Variants in KIF26B observed in about 807,000 individuals in gnomAD.
The protein encoded by KIF26B is kinesin-like protein KIF26B.
In KIF26B, 63 loss-of-function variants were observed where a neutral mutation model predicts 151.2. That is an observed-to-expected ratio of 0.42 (90% CI 0.34 to 0.51). The LOEUF (loss-of-function observed/expected upper bound fraction) is 0.51, where lower values mean the gene tolerates loss of function less well. Among genes scored for constraint, KIF26B ranks in the 20% least tolerant of loss-of-function variants. The pLI, the probability that KIF26B is intolerant of heterozygous loss-of-function variation, is 0.07. For synonymous variants in KIF26B, 1,357 were observed against 1,262.1 expected (o/e 1.08, Z -1.59); for missense variants, 2,813 against 2,913.6 (o/e 0.97, Z 0.79).
intron 2 of KIF26B, among the ~76,000 whole-genome samples, chr1:245,245,925 C>A (rs866637340): frequency 1.6e-3 from 176 of 111,586 alleles, no homozygotes; most frequent in South Asian, 2.6e-3. Context: ...GACTCCGTCT[C>A]AAAAAAAAAA....
chr1:245,682,060 TG>T (rs760152498), intron 10 of KIF26B, among the ~76,000 whole-genome samples: 2 of 152,202 alleles, frequency 1.3e-5, no homozygotes, highest in Non-Finnish European at 2.9e-5. Flanking sequence ...CTGGCCAACA[TG>T]GGTGAAACCC....
At chr1:245,220,244 T>C (rs750838246) in intron 2 of KIF26B, among the ~76,000 whole-genome samples, 1 of 152,214 alleles carries the variant, frequency 6.6e-6, no homozygotes, top group East Asian at 1.9e-4. Flanking sequence ...GTAACAATAA[T>C]CACCGATAGG....
intron 2 of KIF26B, among the ~76,000 whole-genome samples, chr1:245,180,514 C>T (rs1478260724): frequency 6.6e-6 from 1 of 152,184 alleles, no homozygotes; most frequent in East Asian, 1.9e-4. Flanking sequence ...ATACTTAGCC[C>T]AAGTAAATGC....
At chr1:245,432,564 C>A (rs537620890) in intron 4 of KIF26B, among the ~76,000 whole-genome samples, 1 of 152,206 alleles carries the variant, frequency 6.6e-6, no homozygotes, top group Non-Finnish European at 1.5e-5. Context: ...ATCTTTTCTT[C>A]CCTTGAATAA....
At chr1:245,628,201 C>T (rs1195109629) in intron 9 of KIF26B, among the ~76,000 whole-genome samples, 3 of 152,148 alleles carry the variant, frequency 2.0e-5, no homozygotes, top group Admixed American at 6.5e-5. Context: ...TGGCCGGGCA[C>T]GGTGGCTCAC....
intron 2 of KIF26B, among the ~76,000 whole-genome samples, chr1:245,345,450 C>T (rs1192584326): frequency 6.6e-6 from 1 of 152,220 alleles, no homozygotes; most frequent in Non-Finnish European, 1.5e-5. Context: ...CTCTCCTACT[C>T]ACCACGCCTT....
At chr1:245,229,203 C>G (rs916672832) in intron 2 of KIF26B, among the ~76,000 whole-genome samples, 1 of 152,110 alleles carries the variant, frequency 6.6e-6, no homozygotes, top group African/African-American at 2.4e-5. Context: ...AACTCCTGAC[C>G]TCATGTGATC....
Position 245,688,388 on chromosome 1 carries a change from G to C in KIF26B, c.5405G>C (p.Arg1802Pro), listed in dbSNP as rs753346942. The change falls in exon 12 of 15, where the codon CGG (arginine) becomes CCG (proline). Residue 1802 changes from arginine (R) to proline (P), a missense_variant. By Grantham distance (103) the Arg-to-Pro change is moderately radical. This residue lies in a region of KIF26B where 2,060 missense variants were observed against 2,088.6 expected (regional missense o/e 0.99). Coordinates refer to ENST00000407071, the MANE Select transcript of KIF26B (RefSeq NM_018012.4). ...GGCCTGGCCTCCAAGCTTCCCCTGC[G>C]GGCCGTCAGCGGGCGCATCTCGGAG... ...SSGLASKLPL[R>P]AVSGRISELL... 2 of 1,520,596 alleles carry C rather than the reference G, an allele frequency of 1.3e-6. No individual in the cohort carries two copies. Among genetic ancestry groups the C allele is most frequent in the South Asian group, 2.4e-5 (2 of 81,686 alleles). The allele number at this position is 1,520,596 out of a possible 1,614,324, so 94.2% of individuals were successfully genotyped here.
Position 245,560,341 on chromosome 1 carries a change from GGA to G in KIF26B, c.1350+19398_1350+19399del, listed in dbSNP as rs1345778422. Among the ~76,000 whole-genome samples the G allele has an allele frequency of 6.6e-6, 1 of 152,142 alleles. No individual in the cohort carries two copies. The highest frequency in any genetic ancestry group is 1.5e-5 in the Non-Finnish European group (1 of 68,024). On this transcript the variant is annotated intron_variant, in intron 5 of 14. Transcript: ENST00000407071. The surrounding 1 kb of genome is among the most constrained non-coding windows in gnomAD (Gnocchi z 4.3). ...CAGGAGTTTTCATTCTCCTGAGAGA[GGA>G]GAGAGACTTGTTGAGCTATGCGTGG...
chr1:245,666,525 T>C (rs1422837823), intron 10 of KIF26B, among the ~76,000 whole-genome samples: 1 of 152,046 alleles, frequency 6.6e-6, no homozygotes, highest in Non-Finnish European at 1.5e-5. Flanking sequence ...TACATGCTTG[T>C]TGAATGAACA....
intron 9 of KIF26B, among the ~76,000 whole-genome samples, chr1:245,631,860 G>A (rs924302493): frequency 5.9e-5 from 9 of 151,960 alleles, no homozygotes; most frequent in African/African-American, 1.2e-4. Flanking sequence ...CAATTTGTTC[G>A]TGTGTAGTTC....
At chr1:245,335,130 ACTGT>A (rs1672195090) in intron 2 of KIF26B, among the ~76,000 whole-genome samples, 3 of 152,176 alleles carry the variant, frequency 2.0e-5, no homozygotes, top group East Asian at 1.9e-4. Flanking sequence ...GGGACTTCAG[ACTGT>A]CTGTCTGCTC....
intron 7 of KIF26B, 89 bp from the exon 8 acceptor site, chr1:245,609,174 TTTC>T: frequency 1.6e-6 from 2 of 1,243,564 alleles, no homozygotes; most frequent in Non-Finnish European, 2.2e-6. Flanking sequence ...TCCCTGTGCC[TTTC>T]TTCTATATCC....
At position 245,686,027 on chromosome 1, in the gene KIF26B, A is replaced by ACAGCCC. The variant is rs764050630; in HGVS notation, c.3051_3056dup (p.Ser1018_Pro1019dup). The ACAGCCC allele has an allele frequency of 3.1e-5, 50 of 1,595,040 alleles. No homozygotes were observed. Among genetic ancestry groups the ACAGCCC allele is most frequent in the South Asian group, 1.9e-4 (17 of 88,786 alleles). ...CCTGTGCCCGCCGCGGCACCCGCCC[A>ACAGCCC]CAGCCCCAGCCCGGCCTCACCCAGG... is the stretch of plus-strand genomic sequence containing the variant. On this transcript the variant is annotated inframe_insertion, in exon 12 of 15. Coordinates refer to ENST00000407071, the MANE Select transcript of KIF26B (RefSeq NM_018012.4). The surrounding 1 kb of genome is among the most constrained non-coding windows in gnomAD (Gnocchi z 5.6).
intron 10 of KIF26B, among the ~76,000 whole-genome samples, chr1:245,670,129 A>G (rs1359369681): frequency 6.6e-6 from 1 of 152,042 alleles, no homozygotes; most frequent in African/African-American, 2.4e-5. Flanking sequence ...AAGCTATTAA[A>G]TAAAATAAAT....
chr1:245,482,324 G>C lies in KIF26B; in HGVS notation c.1167-58443G>C, dbSNP rs761100225. Among the ~76,000 whole-genome samples the C allele has an allele frequency of 2.5e-4, 38 of 151,696 alleles. 1 individual carries two copies. The highest frequency in any genetic ancestry group is 4.4e-4 in the Non-Finnish European group (30 of 67,790). ...AAGGTGGTCTCGAACTCCTGACCTCGTGATCCTCCCGCCTCAGCCTCCCAA... is the reference window on the plus strand; with the variant it reads ...AAGGTGGTCTCGAACTCCTGACCTCCTGATCCTCCCGCCTCAGCCTCCCAA... On this transcript the variant is annotated intron_variant, in intron 4 of 14. Transcript: ENST00000407071.
intron 4 of KIF26B, among the ~76,000 whole-genome samples, chr1:245,431,378 A>G (rs1310888111): frequency 1.0e-5 from 1 of 98,974 alleles, no homozygotes; most frequent in East Asian, 2.8e-4. Context: ...AGAGTCTTGC[A>G]TTGTCGCCCA....
chr1:245,450,670 C>T (rs1041996134), intron 4 of KIF26B, among the ~76,000 whole-genome samples: 108 of 152,106 alleles, frequency 7.1e-4, no homozygotes, highest in African/African-American at 2.3e-3. Flanking sequence ...TTGGGTTAGG[C>T]GTATTCTGTG....
intron 9 of KIF26B, 115 bp downstream of exon 9, chr1:245,612,091 TGTGTGTGTGTGTGTGA>T (rs1246593469): frequency 2.3e-4 from 173 of 744,892 alleles, no homozygotes; most frequent in Admixed American, 7.1e-4. Flanking sequence ...TGTGTGTGTG[TGTGTGTGTGTGTGTGA>T]GAGAGAGAGA....
Sources: allele counts gnomAD v4.1 joint callset (sites outside exome capture counted in the v4.1 genomes callset), GRCh38; gene constraint gnomAD v4.1.1; regional missense constraint gnomAD v4.1.1; non-coding constraint Gnocchi (gnomAD v3.1); transcripts MANE v1.5; gene names NCBI Gene and HGNC (gene_info 2026-07-23, HGNC 2026-07-21).